HERC2: variants seen among roughly 807,000 people sequenced by gnomAD.
HERC2 encodes HECT and RLD domain containing E3 ubiquitin protein ligase 2, also known as E3 ubiquitin-protein ligase HERC2.
A neutral mutation model predicts 537.7 loss-of-function variants in HERC2; 102 were observed. The observed-to-expected ratio is 0.19, with a 90% CI of 0.16 to 0.22. The LOEUF (loss-of-function observed/expected upper bound fraction) is 0.22. Ranked by LOEUF, HERC2 falls within the 10% of genes least tolerant of loss-of-function variation. HERC2 has a pLI of 1.00. For synonymous variants in HERC2, 2,224 were observed against 2,466.2 expected (o/e 0.90, Z 2.91); for missense variants, 4,236 against 6,198.2 (o/e 0.68, Z 10.63).
chr15:28,134,730 T>C (rs147430539), intron 79 of HERC2, among the ~76,000 whole-genome samples: 2,488 of 143,846 alleles, frequency 0.017, 79 homozygotes, highest in African/African-American at 0.063. Flanking sequence ...TGAGATGGAG[T>C]CTCGCTCTGT....
At chr15:28,251,313 T>G (rs1380947065) in intron 20 of HERC2, among the ~76,000 whole-genome samples, 1 of 151,644 alleles carries the variant, frequency 6.6e-6, no homozygotes, top group African/African-American at 2.4e-5. Context: ...TATGGTGGCA[T>G]GCACCTGTAG....
intron 19 of HERC2, among the ~76,000 whole-genome samples, chr15:28,255,636 T>G (rs1265748217): frequency 6.6e-6 from 1 of 152,224 alleles, no homozygotes; most frequent in Admixed American, 6.5e-5. Flanking sequence ...ATGGTCTACA[T>G]GAGGAACAGG....
intron 32 of HERC2, 35 bp from the exon 33 acceptor site, chr15:28,229,631 G>T: frequency 6.2e-7 from 1 of 1,600,832 alleles, no homozygotes; most frequent in Non-Finnish European, 8.5e-7. Flanking sequence ...TAAGTGTTAT[G>T]TATATTACCC....
intron 35 of HERC2, among the ~76,000 whole-genome samples, chr15:28,227,750 G>A (rs1006055215): frequency 1.6e-4 from 24 of 152,094 alleles, no homozygotes; most frequent in Non-Finnish European, 1.5e-5. Flanking sequence ...CAACCCAAAT[G>A]TCCATCAACA....
At chr15:28,151,748 G>A (rs12915877) in intron 70 of HERC2, among the ~76,000 whole-genome samples, 1 of 151,688 alleles carries the variant, frequency 6.6e-6, no homozygotes, top group Admixed American at 6.6e-5. Flanking sequence ...TATGTTCCAA[G>A]CCATGAGTTC....
At chr15:28,182,599 G>A (rs941932762) in intron 56 of HERC2, 87 bp from the exon 57 acceptor site, 5 of 1,020,004 alleles carry the variant, frequency 4.9e-6, no homozygotes, top group Non-Finnish European at 5.7e-6. Flanking sequence ...GCAACCTCAA[G>A]CACTCAAAGT....
Position 28,125,012 on chromosome 15 carries a change from A to G in HERC2, c.12984T>C (p.Pro4328=). The change falls in exon 84 of 93, where the codon CCT becomes CCC. Residue 4328 remains proline (P), a synonymous_variant. Transcript: ENST00000261609. ...CCAACCTGCCCGGACTCACCTGTGC[A>G]GGGAGTTTGCCAGCACTGGCGGGCT... is the stretch of plus-strand genomic sequence containing the variant. ...TSKPASAGKL[P]AQVPMEYNHL... 6.3e-7 allele frequency: 1 copy of G among 1,599,960 alleles called. No individual in the cohort carries two copies. The highest frequency in any genetic ancestry group is 8.6e-7 in the Non-Finnish European group (1 of 1,168,152).
intron 9 of HERC2, among the ~76,000 whole-genome samples, chr15:28,271,861 C>G (rs1368163643): frequency 6.6e-6 from 1 of 152,190 alleles, no homozygotes; most frequent in Non-Finnish European, 1.5e-5. Context: ...CCTGTTAAGG[C>G]GGGAGCTGGT....
At position 28,265,192 on chromosome 15, in the gene HERC2, G is replaced by A. The variant is rs894966541; in HGVS notation, c.1870+426C>T. Among the ~76,000 whole-genome samples, 2 of 152,070 alleles carry A rather than the reference G, an allele frequency of 1.3e-5. No individual in the cohort carries two copies. Among genetic ancestry groups the A allele is most frequent in the African/African-American group, 4.8e-5 (2 of 41,404 alleles). On this transcript the variant is annotated intron_variant, in intron 14 of 92. Transcript: ENST00000261609. This position sits in a 1 kb window ranked among gnomAD's most constrained non-coding sequence, Gnocchi z 4.0. ...CATCAGGTACCCTTGAAAAAAGGATGATCTCACTTAGGAACACAAACATAA... is the reference window on the plus strand; with the variant it reads ...CATCAGGTACCCTTGAAAAAAGGATAATCTCACTTAGGAACACAAACATAA...
At chr15:28,155,545 G>T (rs985241279) in intron 69 of HERC2, among the ~76,000 whole-genome samples, 8 of 151,550 alleles carry the variant, frequency 5.3e-5, no homozygotes, top group African/African-American at 1.7e-4. Flanking sequence ...CATGTGTCTG[G>T]TGGCTGCATA....
At chr15:28,306,898 G>T (rs1379107633) in intron 2 of HERC2, among the ~76,000 whole-genome samples, 2 of 152,138 alleles carry the variant, frequency 1.3e-5, no homozygotes, top group Non-Finnish European at 2.9e-5. Context: ...GCAGTAACAT[G>T]ATCTCAGCAC....
Position 28,111,501 on chromosome 15 carries a change from T to C in HERC2, c.*262A>G. ...TATTTATATAAACATTTACACACTT[T>C]AGTAAACACAGTCCTACATGTAATG... On this transcript the variant is annotated 3_prime_UTR_variant, in exon 93 of 93. Coordinates refer to ENST00000261609, the MANE Select transcript of HERC2 (RefSeq NM_004667.6). The C allele has an allele frequency of 2.1e-6, 1 of 487,726 alleles. No homozygotes were observed. Among genetic ancestry groups the C allele is most frequent in the East Asian group, 3.1e-5 (1 of 32,116 alleles). The allele number at this position is 487,726 out of a possible 1,614,324, so 30.2% of individuals were successfully genotyped here. A position where few individuals can be genotyped will look rare whatever the true frequency, so the allele number is the denominator to read the frequency against.
chr15:28,116,927 C>G, intron 87 of HERC2, 68 bp from the exon 88 acceptor site: 1 of 1,610,118 alleles, frequency 6.2e-7, no homozygotes, highest in Non-Finnish European at 8.5e-7. Flanking sequence ...CCCAACGCTC[C>G]CACACCATGT....
intron 49 of HERC2, 37 bp from the exon 50 acceptor site, chr15:28,198,540 T>G: frequency 1.9e-6 from 3 of 1,610,796 alleles, no homozygotes; most frequent in Non-Finnish European, 8.5e-7. Context: ...TAATCAATAT[T>G]CATTTAAGGG....
At chr15:28,270,990 C>A in intron 9 of HERC2, 122 bp from the exon 10 acceptor site, 1 of 746,410 alleles carries the variant, frequency 1.3e-6, no homozygotes, top group Admixed American at 2.3e-5. Context: ...ATGACAATGT[C>A]AATGATACAG....
chr15:28,227,557 A>C (rs1216865800), intron 35 of HERC2, among the ~76,000 whole-genome samples: 1 of 152,064 alleles, frequency 6.6e-6, no homozygotes, highest in Non-Finnish European at 1.5e-5. Flanking sequence ...TGGGAATGTA[A>C]AAATGATATG....
intron 2 of HERC2, among the ~76,000 whole-genome samples, chr15:28,314,202 C>T (rs2077020406): frequency 6.6e-6 from 1 of 151,896 alleles, no homozygotes; most frequent in Non-Finnish European, 1.5e-5. Context: ...AGATACAAGA[C>T]CACATCATTG....
rs2075624078 is a variant in HERC2 at position 28,268,286 on chromosome 15, A to G, written c.1598+179T>C. Among the ~76,000 whole-genome samples the G allele has an allele frequency of 6.6e-6, 1 of 152,124 alleles. No individual in the cohort carries two copies. Among genetic ancestry groups the G allele is most frequent in the Non-Finnish European group, 1.5e-5 (1 of 68,000 alleles). ...GGCCAATTCCCGTTGCCCTCCACAC[A>G]TGGGCAGAGCTCCTAAGCCATCACC... On this transcript the variant is annotated intron_variant, in intron 12 of 92. Transcript: ENST00000261609. The surrounding 1 kb of genome is among the most constrained non-coding windows in gnomAD (Gnocchi z 4.7).
In HERC2 at chr15:28,141,547, C is replaced by T. The variant is rs1596034596; in HGVS notation, c.11900G>A (p.Gly3967Asp). ...AACTTTGACTTTTGCGCCTTCAATG[C>T]CCCCGAGCTGGCCCCTGTGATTATG... ...WGHNHRGQLGGIEGAKVKVPT... is the reference protein window; with the variant it reads ...WGHNHRGQLGDIEGAKVKVPT... Residue 3967 changes from glycine to aspartate, a missense_variant, in exon 78 of 93, where the codon GGC becomes GAC. Around this residue, in one of 27 missense-constraint regions of HERC2, gnomAD observed 156 missense variants for 172.3 expected, o/e 0.91. Coordinates refer to ENST00000261609, the MANE Select transcript of HERC2 (RefSeq NM_004667.6). 4 of 1,614,146 alleles carry T rather than the reference C, an allele frequency of 2.5e-6. No homozygotes were observed. Among genetic ancestry groups the T allele is most frequent in the Non-Finnish European group, 3.4e-6 (4 of 1,180,012 alleles).
Sources: allele counts gnomAD v4.1 joint callset (sites outside exome capture counted in the v4.1 genomes callset), GRCh38; gene constraint gnomAD v4.1.1; regional missense constraint gnomAD v4.1.1; non-coding constraint Gnocchi (gnomAD v3.1); transcripts MANE v1.5; gene names NCBI Gene and HGNC (gene_info 2026-07-23, HGNC 2026-07-21).